The following MYO5C variants were observed in gnomAD, a reference collection of about 807,000 sequenced individuals.
The protein encoded by MYO5C is unconventional myosin-Vc.
A neutral mutation model predicts 235.7 loss-of-function variants in MYO5C; 194 were observed. That is an observed-to-expected ratio of 0.82 (90% CI 0.73 to 0.93). The LOEUF (loss-of-function observed/expected upper bound fraction) is 0.93, where lower values mean the gene tolerates loss of function less well. MYO5C is among the 40% of genes least tolerant of loss of function. MYO5C has a pLI of 0.00. For synonymous variants in MYO5C, 707 were observed against 754.8 expected (o/e 0.94, Z 1.04); for missense variants, 2,038 against 2,127.2 (o/e 0.96, Z 0.82).
At chr15:52,239,625 C>A in intron 21 of MYO5C, 108 bp downstream of exon 21, 1 of 1,220,272 alleles carries the variant, frequency 8.2e-7, no homozygotes, top group Non-Finnish European at 1.1e-6. Flanking sequence ...GTAAACTGAA[C>A]CTCCTAACAT....
At chr15:52,218,140 C>T (rs867520786) in intron 32 of MYO5C, among the ~76,000 whole-genome samples, 57 of 152,306 alleles carry the variant, frequency 3.7e-4, no homozygotes, top group African/African-American at 1.4e-3. Context: ...GCCATACCCC[C>T]AGAAGAAAGC....
chr15:52,244,646 G>A, intron 18 of MYO5C, 79 bp from the exon 19 acceptor site: 1 of 968,528 alleles, frequency 1.0e-6, no homozygotes, highest in African/African-American at 1.6e-5. Context: ...AGAGCTTTAG[G>A]GATTCAAAGG....
intron 29 of MYO5C, 104 bp from the exon 30 acceptor site, chr15:52,221,359 A>G (rs1242248592): frequency 3.8e-6 from 3 of 787,108 alleles, no homozygotes; most frequent in Non-Finnish European, 5.9e-6. Flanking sequence ...CCTGCAGAAC[A>G]GATAGCTGTG....
chr15:52,204,981 G>C lies in MYO5C; in HGVS notation c.4704C>G (p.Asp1568Glu), dbSNP rs2035273112. 1 of 1,614,114 alleles carries C rather than the reference G, an allele frequency of 6.2e-7. No individual in the cohort carries two copies. Residue 1568 changes from aspartate (D) to glutamate (E), a missense_variant, in exon 38 of 41, where the codon GAC becomes GAG. By Grantham distance (45) the Asp-to-Glu change is conservative. Coordinates refer to ENST00000261839, the MANE Select transcript of MYO5C (RefSeq NM_018728.4). Reference protein sequence around the residue: ...FYTTMCQNGLDPELVRQAVKQ... With the variant: ...FYTTMCQNGLEPELVRQAVKQ... ...TCACCGCCTGCCTCACAAGCTCGGG[G>C]TCCAGGCCGTTCTGGCACATGGTGG...
Position 52,247,718 on chromosome 15 carries a change from C to G in MYO5C, c.1747-126G>C, listed in dbSNP as rs2036383097. The G allele has an allele frequency of 1.3e-5, 13 of 977,130 alleles. No homozygotes were observed. In the East Asian group the frequency reaches 3.4e-4, roughly 26 times the overall value. The allele number at this position is 977,130 out of a possible 1,614,324, so 60.5% of individuals were successfully genotyped here. Reference sequence around the variant, plus strand: ...GGGCGGTGAACAACCTCACCAACATCTACAGCCAAATCTCAATTCCACAAG... The same window carrying G: ...GGGCGGTGAACAACCTCACCAACATGTACAGCCAAATCTCAATTCCACAAG... On this transcript the variant is annotated intron_variant, in intron 14 of 40. Transcript: ENST00000261839.
At chr15:52,287,024 G>C (rs1019591698) in intron 1 of MYO5C, among the ~76,000 whole-genome samples, 2 of 148,082 alleles carry the variant, frequency 1.4e-5, no homozygotes, top group Non-Finnish European at 3.0e-5. Flanking sequence ...ACAAGTACTA[G>C]ACTAGGACAA....
rs981233788 is a variant in MYO5C, at chr15:52,250,371, T to C, written c.1662+1019A>G. Among the ~76,000 whole-genome samples, 27 of 151,288 alleles carry C rather than the reference T, an allele frequency of 1.8e-4. 1 individual carries two copies. Among genetic ancestry groups the C allele is most frequent in the Admixed American group, 4.0e-4 (6 of 15,146 alleles). On this transcript the variant is annotated intron_variant, in intron 13 of 40. Transcript: ENST00000261839. ...AATTTTCCTGCCTCAGCCACCTGAGTAGCTGGGATTACAGGTGCGTGCCAC... is the reference window on the plus strand; with the variant it reads ...AATTTTCCTGCCTCAGCCACCTGAGCAGCTGGGATTACAGGTGCGTGCCAC...
intron 25 of MYO5C, among the ~76,000 whole-genome samples, chr15:52,228,300 C>G (rs533681226): frequency 6.6e-6 from 1 of 152,126 alleles, no homozygotes; most frequent in South Asian, 2.1e-4. Context: ...CCTGCCACCA[C>G]GCCCAGCCAA....
rs763111592 is a variant in MYO5C at position 52,204,933 on chromosome 15, C to T, written c.4752G>A (p.Gly1584=). 3.0e-5 allele frequency: 49 copies of T among 1,614,112 alleles called. No individual in the cohort carries two copies. Among genetic ancestry groups the T allele is most frequent in the Non-Finnish European group, 2.5e-6 (3 of 1,180,052 alleles). The change falls in exon 38 of 41, where the codon GGG becomes GGA. Residue 1584 remains glycine, a synonymous_variant. Coordinates refer to ENST00000261839, the MANE Select transcript of MYO5C (RefSeq NM_018728.4). ...QAVKQLFFLI[G]AVTLNSLFLR... Reference sequence around the variant, plus strand: ...GGAAGAGGCTGTTCAGCGTGACCGCCCCGATCAAGAAGAAGAGCTGCTTCA... The same window carrying T: ...GGAAGAGGCTGTTCAGCGTGACCGCTCCGATCAAGAAGAAGAGCTGCTTCA...
At chr15:52,195,962 CTTTTTTT>C (rs71130140) in intron 39 of MYO5C, among the ~76,000 whole-genome samples, 3 of 80,990 alleles carry the variant, frequency 3.7e-5, no homozygotes, top group Non-Finnish European at 6.1e-5. Context: ...TCACACCCAG[CTTTTTTT>C]TTTTTTTTTT....
intron 1 of MYO5C, among the ~76,000 whole-genome samples, chr15:52,287,934 C>CCATTG (rs900442766): frequency 6.6e-6 from 1 of 151,966 alleles, no homozygotes; most frequent in African/African-American, 2.4e-5. Flanking sequence ...CAAGATCTTG[C>CCATTG]CATTGCACTG....
Position 52,211,902 on chromosome 15 carries a change from A to T in MYO5C, c.4142-18T>A. ...CTTCAAGTCTGAAGCAGAGAGAGCCAATGAGGATTACAGCTGACAGGTCAG... is the reference window on the plus strand; with the variant it reads ...CTTCAAGTCTGAAGCAGAGAGAGCCTATGAGGATTACAGCTGACAGGTCAG... On this transcript the variant is annotated intron_variant, in intron 34 of 40. Coordinates refer to ENST00000261839, the MANE Select transcript of MYO5C (RefSeq NM_018728.4). 1 of 1,611,508 alleles carries T rather than the reference A, an allele frequency of 6.2e-7. No individual in the cohort carries two copies. Among genetic ancestry groups the T allele is most frequent in the Non-Finnish European group, 8.5e-7 (1 of 1,178,630 alleles).
At chr15:52,251,583 C>G in intron 12 of MYO5C, 68 bp from the exon 13 acceptor site, 2 of 1,338,062 alleles carry the variant, frequency 1.5e-6, no homozygotes, top group Non-Finnish European at 1.0e-6. Context: ...AGGAAAAGCA[C>G]TAATTCTAAG....
intron 5 of MYO5C, among the ~76,000 whole-genome samples, chr15:52,275,033 G>A (rs1413601812): frequency 2.6e-5 from 4 of 152,174 alleles, no homozygotes; most frequent in African/African-American, 7.2e-5. Context: ...GCACCGTCAC[G>A]GTTGGCCTTG....
chr15:52,251,335 C>T (rs2036468347), intron 13 of MYO5C, 55 bp downstream of exon 13: 1 of 1,513,476 alleles, frequency 6.6e-7, no homozygotes, highest in African/African-American at 1.4e-5. Flanking sequence ...CCTACTCCTT[C>T]TGGAGGCTGT....
At chr15:52,255,945 G>A (rs975593985) in intron 11 of MYO5C, among the ~76,000 whole-genome samples, 2 of 152,106 alleles carry the variant, frequency 1.3e-5, no homozygotes, top group Admixed American at 6.5e-5. Context: ...TGATCTTATT[G>A]TTAGTTAGGA....
intron 32 of MYO5C, among the ~76,000 whole-genome samples, chr15:52,216,644 G>GA (rs113865164): frequency 0.027 from 4,028 of 146,684 alleles, 74 homozygotes; most frequent in Middle Eastern, 0.063. Context: ...AAAGAGTCTG[G>GA]AAAAAAAAAA....
Position 52,235,683 on chromosome 15 carries a change from A to C in MYO5C, c.2949T>G (p.Thr983=), listed in dbSNP as rs1404393733. Residue 983 remains threonine, a synonymous_variant, in exon 23 of 41, where the codon ACT becomes ACG. Coordinates refer to ENST00000261839, the MANE Select transcript of MYO5C (RefSeq NM_018728.4). ...CCCAAGCTTTACCTTTTAACTCTTC[A>C]GTCTTCTCTTGAAGCTTCAGCTGTA... The part of the protein sequence containing the change: ...EQIQLKLQEK[T]EELKEKMDNL... 1 of 1,610,986 alleles carries C rather than the reference A, an allele frequency of 6.2e-7. No homozygotes were observed. The highest frequency in any genetic ancestry group is 1.1e-5 in the South Asian group (1 of 90,174).
chr15:52,196,060 C>A (rs1363685338), intron 39 of MYO5C, among the ~76,000 whole-genome samples: 1 of 148,614 alleles, frequency 6.7e-6, no homozygotes, highest in East Asian at 2.0e-4. Flanking sequence ...ATCCTCCCAC[C>A]TTGGCCTCTC....
Sources: allele counts gnomAD v4.1 joint callset (sites outside exome capture counted in the v4.1 genomes callset), GRCh38; gene constraint gnomAD v4.1.1; transcripts MANE v1.5; gene names NCBI Gene and HGNC (gene_info 2026-07-23, HGNC 2026-07-21).